Variants in ARHGEF4 observed in about 807,000 individuals in gnomAD.
ARHGEF4 encodes Rho guanine nucleotide exchange factor 4.
A neutral mutation model predicts 162.0 loss-of-function variants in ARHGEF4; 119 were observed. The observed-to-expected ratio is 0.73, with a 90% CI of 0.63 to 0.86. The LOEUF (loss-of-function observed/expected upper bound fraction) is 0.86. Among genes scored for constraint, ARHGEF4 ranks in the 40% least tolerant of loss-of-function variants. The pLI is 0.00. For synonymous variants in ARHGEF4, 1,014 were observed against 979.9 expected, an observed-to-expected ratio of 1.03 and a Z score of -0.65; for missense variants, 2,488 against 2,456.0, an observed-to-expected ratio of 1.01 and a Z score of -0.28.
At chr2:130,981,536 G>A (rs922450059) in intron 4 of ARHGEF4, among the ~76,000 whole-genome samples, 9 of 151,970 alleles carry the variant, frequency 5.9e-5, no homozygotes, top group African/African-American at 2.2e-4. Context: ...GCAGGCGCCT[G>A]TAGTCCCAGC....
intron 1 of ARHGEF4, among the ~76,000 whole-genome samples, chr2:130,890,570 A>AAC (rs1397409690): frequency 6.8e-6 from 1 of 146,418 alleles, no homozygotes; most frequent in Non-Finnish European, 1.5e-5. Flanking sequence ...TAAAAAAAAA[A>AAC]AAAAAATTCC....
In ARHGEF4 at chr2:131,046,767, C is replaced by G. The variant is rs981019279; in HGVS notation, c.*578C>G. 1 of 153,124 alleles carries G rather than the reference C, an allele frequency of 6.5e-6. No individual in the cohort carries two copies. The highest frequency in any genetic ancestry group is 1.5e-5 in the Non-Finnish European group (1 of 68,502). 9.5% of individuals were successfully genotyped at this position (153,124 alleles called of 1,614,324 possible). On this transcript the variant is annotated 3_prime_UTR_variant, in exon 14 of 14. Transcript: ENST00000409359. ...TTCGCCTCCCAGCCCCTCAAGACAC[C>G]GCTGGCTGCTGGACACCCTCTTCAC...
chr2:130,953,562 T>C (rs1684084840), intron 4 of ARHGEF4, among the ~76,000 whole-genome samples: 1 of 152,160 alleles, frequency 6.6e-6, no homozygotes, highest in South Asian at 2.1e-4. Context: ...AAATGGGATC[T>C]AATTAAACTA....
chr2:130,913,227 C>A (rs995738694), intron 1 of ARHGEF4, among the ~76,000 whole-genome samples: 2 of 152,070 alleles, frequency 1.3e-5, no homozygotes, highest in Non-Finnish European at 2.9e-5. Flanking sequence ...AGGGATTGAC[C>A]GGGGAGGGGC....
At chr2:130,991,342 G>A (rs1480559918) in intron 4 of ARHGEF4, among the ~76,000 whole-genome samples, 2 of 152,256 alleles carry the variant, frequency 1.3e-5, no homozygotes, top group African/African-American at 4.8e-5. Context: ...CTCCCATTTT[G>A]GCGGCACTTG....
At chr2:131,045,997 C>T (rs922812121) in intron 13 of ARHGEF4, 41 bp from the exon 14 acceptor site, 4 of 1,583,872 alleles carry the variant, frequency 2.5e-6, no homozygotes, top group Non-Finnish European at 3.4e-6. Context: ...TGGCACTCTG[C>T]CCTGGGCACC....
At chr2:130,890,768 T>C (rs996976598) in intron 1 of ARHGEF4, among the ~76,000 whole-genome samples, 2 of 152,290 alleles carry the variant, frequency 1.3e-5, no homozygotes, top group Non-Finnish European at 1.5e-5. Flanking sequence ...CTGTTCCCTA[T>C]AGATACTTAA....
chr2:130,962,166 G>A (rs72861480), intron 4 of ARHGEF4, among the ~76,000 whole-genome samples: 1 of 151,080 alleles, frequency 6.6e-6, no homozygotes, highest in Non-Finnish European at 1.5e-5. Context: ...TTAAACCAGC[G>A]AGTCGTAGGT....
intron 13 of ARHGEF4, chr2:131,045,647 C>G (rs1691192606): frequency 2.0e-6 from 3 of 1,491,380 alleles, no homozygotes; most frequent in Non-Finnish European, 2.7e-6. Flanking sequence ...GACATTCTTA[C>G]TCTCAACACC....
chr2:130,945,640 A>G (rs1683564986), intron 3 of ARHGEF4, among the ~76,000 whole-genome samples: 1 of 152,166 alleles, frequency 6.6e-6, no homozygotes, highest in Non-Finnish European at 1.5e-5. Flanking sequence ...CACCACAGGA[A>G]CAACAAAACA....
Position 130,914,560 on chromosome 2 carries a change from T to G in ARHGEF4, c.614T>G (p.Leu205Arg). The part of the protein sequence containing the change: ...EPVQGVAVQD[L>R]RGLSSVSLQK... ...GTACAGGGGGTGGCTGTTCAAGACC[T>G]CAGAGGGCTCTCCAGTGTTTCTCTT... Residue 205 changes from leucine (L) to arginine (R), a missense_variant, in exon 2 of 14, where the codon CTC becomes CGC. Physicochemically the swap from Leu to Arg is moderately radical, Grantham distance 102 (BLOSUM62 -2). Coordinates refer to ENST00000409359, the MANE Select transcript of ARHGEF4 (RefSeq NM_001367493.1). The G allele has an allele frequency of 7.1e-7, 1 of 1,405,050 alleles. No individual in the cohort carries two copies. The highest frequency in any genetic ancestry group is 1.7e-5 in the South Asian group (1 of 58,284). The allele number at this position is 1,405,050 out of a possible 1,614,324, so 87.0% of individuals were successfully genotyped here. A position where few individuals can be genotyped will look rare whatever the true frequency, so the allele number is the denominator to read the frequency against.
At chr2:130,889,101 A>T (rs1679697287) in intron 1 of ARHGEF4, among the ~76,000 whole-genome samples, 1 of 143,338 alleles carries the variant, frequency 7.0e-6, no homozygotes, top group Non-Finnish European at 1.5e-5. Flanking sequence ...ACAAAACTCC[A>T]TCTCAAAAAA....
At chr2:131,004,568 C>G (rs530414365) in intron 4 of ARHGEF4, among the ~76,000 whole-genome samples, 1 of 152,238 alleles carries the variant, frequency 6.6e-6, no homozygotes, top group African/African-American at 2.4e-5. Context: ...GCCAAGCCCA[C>G]TTGGTGGCAG....
At position 131,044,363 on chromosome 2, in the gene ARHGEF4, T is replaced by C; in HGVS notation, c.5222T>C (p.Val1741Ala). ...CTGGACATGGACGGCCTGGAGGTGGTGGACCTGGAGGACGGGAAGGACAGA... is the reference window on the plus strand; with the variant it reads ...CTGGACATGGACGGCCTGGAGGTGGCGGACCTGGAGGACGGGAAGGACAGA... ...GRLDMDGLEV[V>A]DLEDGKDRDL... The change falls in exon 12 of 14, where the codon GTG becomes GCG. Residue 1741 changes from valine (V) to alanine (A), a missense_variant. Coordinates refer to ENST00000409359, the MANE Select transcript of ARHGEF4 (RefSeq NM_001367493.1). 1 of 1,604,410 alleles carries C rather than the reference T, an allele frequency of 6.2e-7. No homozygotes were observed. Among genetic ancestry groups the C allele is most frequent in the Non-Finnish European group, 8.5e-7 (1 of 1,175,870 alleles).
At chr2:130,938,101 G>A (rs749963462) in intron 3 of ARHGEF4, among the ~76,000 whole-genome samples, 6 of 152,068 alleles carry the variant, frequency 3.9e-5, no homozygotes, top group African/African-American at 1.4e-4. Flanking sequence ...TCACCTATTC[G>A]AAGACATCTA....
intron 4 of ARHGEF4, among the ~76,000 whole-genome samples, chr2:131,012,856 G>C (rs1164880890): frequency 6.6e-6 from 1 of 152,178 alleles, no homozygotes; most frequent in East Asian, 1.9e-4. Flanking sequence ...GCTGGGATTA[G>C]AGGCGTGAGC....
At chr2:131,031,766 C>T (rs1689869360) in intron 5 of ARHGEF4, among the ~76,000 whole-genome samples, 1 of 152,204 alleles carries the variant, frequency 6.6e-6, no homozygotes, top group African/African-American at 2.4e-5. Flanking sequence ...AGGCCATGGC[C>T]CAGGCCTGGG....
At chr2:130,902,923 T>A (rs1324625348) in intron 1 of ARHGEF4, among the ~76,000 whole-genome samples, 3 of 126,846 alleles carry the variant, frequency 2.4e-5, no homozygotes, top group Non-Finnish European at 5.2e-5. Context: ...AGGGGCTCTG[T>A]TTTTTTGTTC....
chr2:131,039,884 C>T lies in ARHGEF4; in HGVS notation c.4306-132C>T, dbSNP rs1292523227. On this transcript the variant is annotated intron_variant, in intron 6 of 13. Transcript: ENST00000409359. ...GGGTGGCGTGGTGGGGGGAGCTGGC[C>T]GGCCAGTCCTCAGCCCTGCGCCCCG... 3.5e-6 allele frequency: 5 copies of T among 1,430,598 alleles called. No homozygotes were observed. The East Asian group carries it at 7.8e-5, about 22-fold the overall frequency. The allele number at this position is 1,430,598 out of a possible 1,614,324, so 88.6% of individuals were successfully genotyped here. A position where few individuals can be genotyped will look rare whatever the true frequency, so the allele number is the denominator to read the frequency against.
Sources: gnomAD v4.1 joint callset for allele counts (sites outside exome capture counted in the v4.1 genomes callset) on GRCh38, gnomAD v4.1.1 for gene constraint, MANE v1.5 for transcripts, NCBI Gene and HGNC (gene_info 2026-07-23, HGNC 2026-07-21) for gene names.